AATF: variants seen among roughly 807,000 people sequenced by gnomAD.
AATF encodes the protein apoptosis antagonizing transcription factor, also known as protein AATF.
Under a neutral mutation model 63.7 loss-of-function variants are expected in AATF, and 48 were observed. The observed-to-expected ratio is 0.75, with a 90% confidence interval of 0.60 to 0.96. The LOEUF (loss-of-function observed/expected upper bound fraction) is 0.96. Among genes scored for constraint, AATF ranks in the 40% least tolerant of loss-of-function variants. The pLI is 0.00. For missense variants in AATF, 639 were observed against 685.7 expected, an observed-to-expected ratio of 0.93 and a Z score of 0.76; for synonymous variants, 258 against 247.7, an observed-to-expected ratio of 1.04 and a Z score of -0.39.
rs1307826914 is a variant in AATF at position 36,984,628 on chromosome 17, GTT to G, written c.833-1986_833-1985del. On this transcript the variant is annotated intron_variant, in intron 4 of 11. Coordinates refer to ENST00000619387, the MANE Select transcript of AATF (RefSeq NM_012138.4). ...TAAGAATTCTGTTGTCAGAGGACCA[GTT>G]TTGTTTTTTGCGGGGAGATTTTGGA... is the stretch of plus-strand genomic sequence containing the variant. Among the ~76,000 whole-genome samples the G allele has an allele frequency of 3.5e-4, 54 of 152,274 alleles. 1 individual carries two copies. Among genetic ancestry groups the G allele is most frequent in the Admixed American group, 3.5e-3 (54 of 15,286 alleles).
At chr17:37,013,723 G>A (rs2071409114) in intron 8 of AATF, among the ~76,000 whole-genome samples, 1 of 152,122 alleles carries the variant, frequency 6.6e-6, no homozygotes, top group South Asian at 2.1e-4. Flanking sequence ...GTTTGGAGGG[G>A]ACAAACATCC....
At chr17:36,986,540 G>A (rs2071170132) in intron 4 of AATF, 77 bp from the exon 5 acceptor site, 1 of 1,197,736 alleles carries the variant, frequency 8.3e-7, no homozygotes, top group Non-Finnish European at 1.2e-6. Flanking sequence ...CTGCTCAGGA[G>A]TCATGAGTTA....
In AATF at chr17:36,989,292, A is replaced by G. The variant is rs139866100; in HGVS notation, c.1195A>G (p.Ile399Val). 44 of 1,613,864 alleles carry G rather than the reference A, an allele frequency of 2.7e-5. No homozygotes were observed. The African/African-American group carries it at 5.7e-4, about 21-fold the overall frequency. ...ERSILTQIDH[I>V]LMDKERLLRR... ...CTCAATCTTGACTCAGATCGACCAT[A>G]TTCTGATGGACAAAGAGAGATTACT... is the stretch of plus-strand genomic sequence containing the variant. The change falls in exon 7 of 12, where the codon ATT becomes GTT. Residue 399 changes from isoleucine (I) to valine (V), a missense_variant. Ile to Val is a conservative substitution (Grantham distance 29, BLOSUM62 3). Coordinates refer to ENST00000619387, the MANE Select transcript of AATF (RefSeq NM_012138.4).
In AATF at chr17:36,953,441, C is replaced by A. The variant is rs530780419; in HGVS notation, c.694+145C>A. On this transcript the variant is annotated intron_variant, in intron 3 of 11. Coordinates refer to ENST00000619387, the MANE Select transcript of AATF (RefSeq NM_012138.4). Reference sequence around the variant, plus strand: ...GCCCCACTTACCCAGAAGCCTAAAGCCCTATTCCTGTATGCTTAGCCAGCC... The same window carrying A: ...GCCCCACTTACCCAGAAGCCTAAAGACCTATTCCTGTATGCTTAGCCAGCC... 52 of 1,400,364 alleles carry A rather than the reference C, an allele frequency of 3.7e-5. No individual in the cohort carries two copies. The African/African-American group carries it at 7.1e-4, about 19-fold the overall frequency. 86.7% of individuals were successfully genotyped at this position (1,400,364 alleles called of 1,614,324 possible). A position where few individuals can be genotyped will look rare whatever the true frequency, so the allele number is the denominator to read the frequency against.
At chr17:37,009,809 G>A (rs988253392) in intron 8 of AATF, among the ~76,000 whole-genome samples, 189 of 124,636 alleles carry the variant, frequency 1.5e-3, no homozygotes, top group Non-Finnish European at 2.6e-3. Flanking sequence ...GGGCGACAGA[G>A]CGAGACTCCG....
At chr17:37,046,788 G>A (rs1200655509) in intron 11 of AATF, among the ~76,000 whole-genome samples, 1 of 149,322 alleles carries the variant, frequency 6.7e-6, no homozygotes, top group East Asian at 1.9e-4. Flanking sequence ...CACACGCCCT[G>A]GGTTGTTGGG....
chr17:36,980,143 T>A (rs2071110858), intron 4 of AATF: 2 of 152,210 alleles, frequency 1.3e-5, no homozygotes, highest in African/African-American at 4.8e-5. Context: ...GTCCACATTT[T>A]ATAAACGAGA....
chr17:37,006,247 A>G (rs1266270847), intron 8 of AATF, among the ~76,000 whole-genome samples: 1 of 152,222 alleles, frequency 6.6e-6, no homozygotes, highest in East Asian at 1.9e-4. Context: ...AAGCGGGTGG[A>G]TCAGCTGAGG....
At chr17:37,003,463 G>A (rs939929869) in intron 8 of AATF, among the ~76,000 whole-genome samples, 1 of 145,384 alleles carries the variant, frequency 6.9e-6, no homozygotes, top group African/African-American at 2.6e-5. Context: ...TGGTGACCTT[G>A]ACAAGAACTT....
chr17:36,972,379 G>C (rs946741146), intron 4 of AATF, among the ~76,000 whole-genome samples: 2 of 152,172 alleles, frequency 1.3e-5, no homozygotes, highest in Admixed American at 1.3e-4. Flanking sequence ...TCCAGGTTCT[G>C]GTTGATGATT....
At chr17:37,031,153 C>A (rs2071548749) in intron 10 of AATF, among the ~76,000 whole-genome samples, 1 of 151,966 alleles carries the variant, frequency 6.6e-6, no homozygotes, top group African/African-American at 2.4e-5. Context: ...CAACCAACCA[C>A]AGATTGAAAA....
At chr17:36,958,871 G>A (rs1316071877) in intron 4 of AATF, among the ~76,000 whole-genome samples, 1 of 152,178 alleles carries the variant, frequency 6.6e-6, no homozygotes, top group Non-Finnish European at 1.5e-5. Flanking sequence ...CTGGCCTGGT[G>A]TGGTGGCTCA....
chr17:37,014,273 A>G (rs936172137), intron 8 of AATF, among the ~76,000 whole-genome samples: 1 of 130,158 alleles, frequency 7.7e-6, no homozygotes, highest in African/African-American at 4.1e-5. Flanking sequence ...CTTAGTAATA[A>G]TAATAATAAT....
chr17:36,950,489 G>C (rs760349378), intron 2 of AATF, 84 bp downstream of exon 2: 3 of 1,341,616 alleles, frequency 2.2e-6, no homozygotes, highest in Non-Finnish European at 3.1e-6. Context: ...CATGATCTTT[G>C]CAAGAGTAGT....
At chr17:37,044,133 A>G (rs958571302) in intron 11 of AATF, among the ~76,000 whole-genome samples, 7 of 152,216 alleles carry the variant, frequency 4.6e-5, no homozygotes, top group African/African-American at 9.6e-5. Context: ...CAACTGTCCT[A>G]TAAGATGAAG....
chr17:37,042,078 G>T (rs968825339), intron 11 of AATF, among the ~76,000 whole-genome samples: 2 of 151,442 alleles, frequency 1.3e-5, no homozygotes, highest in African/African-American at 4.9e-5. Context: ...CTATATTATG[G>T]CTATATTTAT....
intron 4 of AATF, among the ~76,000 whole-genome samples, chr17:36,958,608 T>C (rs1020232884): frequency 2.0e-5 from 3 of 152,178 alleles, no homozygotes; most frequent in Non-Finnish European, 2.9e-5. Context: ...ATCAAACTTA[T>C]ATAAAAGTAG....
intron 7 of AATF, 131 bp downstream of exon 7, chr17:36,989,542 G>A: frequency 1.1e-6 from 1 of 938,618 alleles, no homozygotes; most frequent in Non-Finnish European, 1.5e-6. Flanking sequence ...TACTTTACTG[G>A]ATTACTGAGA....
At chr17:36,950,124 T>C in intron 1 of AATF, 90 bp from the exon 2 acceptor site, 1 of 1,422,704 alleles carries the variant, frequency 7.0e-7, no homozygotes, top group South Asian at 1.3e-5. Flanking sequence ...TAAAGGACGT[T>C]CAACTATGAG....
Sources: gnomAD v4.1 joint callset for allele counts (sites outside exome capture counted in the v4.1 genomes callset) on GRCh38, gnomAD v4.1.1 for gene constraint, MANE v1.5 for transcripts, NCBI Gene and HGNC (gene_info 2026-07-23, HGNC 2026-07-21) for gene names.